ARSB: variants seen among roughly 807,000 people sequenced by gnomAD.
ARSB encodes the protein arylsulfatase B, also known as N-acetylgalactosamine-4-sulfatase.
ARSB carries 41 observed loss-of-function variants against 50.9 expected under a neutral mutation model. The ratio of observed to expected loss-of-function variants is 0.81; its 90% CI spans 0.63 to 1.04. The LOEUF is 1.04. ARSB is among the 50% of genes least tolerant of loss of function. The pLI is 0.00. For missense variants in ARSB, 672 were observed against 693.3 expected (o/e 0.97, Z 0.35); for synonymous variants, 269 against 284.8 (o/e 0.94, Z 0.56).
intron 6 of ARSB, chr5:78,815,523 T>C (rs894410724): frequency 3.0e-6 from 3 of 985,830 alleles, no homozygotes; most frequent in Non-Finnish European, 2.4e-6. Context: ...TGAAACTGTA[T>C]GTGGCAGCCT....
At chr5:78,937,817 A>G (rs547867221) in intron 4 of ARSB, among the ~76,000 whole-genome samples, 1 of 151,980 alleles carries the variant, frequency 6.6e-6, no homozygotes, top group East Asian at 1.9e-4. Context: ...ATCTAGGTTC[A>G]CTCCTCTCCA....
chr5:78,984,427 G>T (rs755858009), intron 1 of ARSB, among the ~76,000 whole-genome samples: 5 of 152,178 alleles, frequency 3.3e-5, no homozygotes, highest in African/African-American at 7.2e-5. Flanking sequence ...CTAGCATCAG[G>T]TTTCATTCCA....
At chr5:78,903,004 A>C (rs1389481946) in intron 4 of ARSB, among the ~76,000 whole-genome samples, 1 of 152,226 alleles carries the variant, frequency 6.6e-6, no homozygotes, top group Non-Finnish European at 1.5e-5. Context: ...AAAACCATAA[A>C]ACTTTTATAG....
chr5:78,906,033 G>C (rs1350935047), intron 4 of ARSB, among the ~76,000 whole-genome samples: 1 of 151,550 alleles, frequency 6.6e-6, no homozygotes, highest in African/African-American at 2.4e-5. Flanking sequence ...CACCAATGCA[G>C]ATCTTCAACT....
chr5:78,937,029 T>C (rs956818727), intron 4 of ARSB, among the ~76,000 whole-genome samples: 4 of 152,018 alleles, frequency 2.6e-5, no homozygotes, highest in Non-Finnish European at 4.4e-5. Flanking sequence ...CTACTTTTCA[T>C]TTTGCTTCAT....
chr5:78,810,141 A>G (rs1408985077), intron 6 of ARSB, among the ~76,000 whole-genome samples: 3 of 152,076 alleles, frequency 2.0e-5, no homozygotes, highest in Admixed American at 6.5e-5. Context: ...GCCTCCTAGA[A>G]CCTCCCTACC....
At chr5:78,780,812 C>T (rs1748904494) in intron 7 of ARSB, 150 bp from the exon 8 acceptor site, 1 of 944,614 alleles carries the variant, frequency 1.1e-6, no homozygotes, top group Admixed American at 2.1e-5. Flanking sequence ...AGATGCTTCT[C>T]AGACTTGACT....
intron 4 of ARSB, among the ~76,000 whole-genome samples, chr5:78,939,490 T>C (rs1030487693): frequency 9.2e-5 from 14 of 152,122 alleles, no homozygotes; most frequent in Admixed American, 5.9e-4. Flanking sequence ...TGTCCATGTT[T>C]TCTCATTGTT....
chr5:78,845,777 T>C (rs147879668), intron 5 of ARSB, among the ~76,000 whole-genome samples: 2 of 152,290 alleles, frequency 1.3e-5, no homozygotes, highest in African/African-American at 4.8e-5. Flanking sequence ...ATATTCTGGA[T>C]ATTAATCCTT....
chr5:78,952,732 C>T (rs186992602), intron 4 of ARSB, among the ~76,000 whole-genome samples: 1 of 152,200 alleles, frequency 6.6e-6, no homozygotes, highest in Admixed American at 6.5e-5. Flanking sequence ...TGTCTGAGCA[C>T]ATTTAAGCCC....
At position 78,984,880 on chromosome 5, in the gene ARSB, C is replaced by G. The variant is rs374273740; in HGVS notation, c.312+57G>C. On this transcript the variant is annotated intron_variant, in intron 1 of 7. Transcript: ENST00000264914. ...GGCCTCAAGGGCCGGGTAGGAGCGGCAGGGCGCCGGCGAAAGGCGGGGCGG... is the reference window on the plus strand; with the variant it reads ...GGCCTCAAGGGCCGGGTAGGAGCGGGAGGGCGCCGGCGAAAGGCGGGGCGG... The G allele has an allele frequency of 2.3e-3, 2,828 of 1,245,892 alleles. 55 individuals carry two copies. In the African/African-American group the frequency reaches 0.041, roughly 18 times the overall value. 77.2% of individuals were successfully genotyped at this position (1,245,892 alleles called of 1,614,324 possible).
At chr5:78,923,921 C>T (rs1232644187) in intron 4 of ARSB, among the ~76,000 whole-genome samples, 4 of 152,126 alleles carry the variant, frequency 2.6e-5, no homozygotes, top group Admixed American at 2.0e-4. Flanking sequence ...TTCCTGAAAG[C>T]GAGGTTCCAA....
intron 6 of ARSB, among the ~76,000 whole-genome samples, chr5:78,799,212 A>G (rs554336203): frequency 3.4e-4 from 52 of 152,346 alleles, no homozygotes; most frequent in African/African-American, 1.2e-3. Context: ...AGCAGCTTTG[A>G]AAAGGTCCAG....
intron 4 of ARSB, among the ~76,000 whole-genome samples, chr5:78,954,014 G>A (rs1011012465): frequency 6.6e-6 from 1 of 151,818 alleles, no homozygotes; most frequent in East Asian, 1.9e-4. Context: ...GTAATTAACA[G>A]ACATGGCAGT....
chr5:78,965,715 G>T (rs1409096026), intron 2 of ARSB, among the ~76,000 whole-genome samples: 1 of 152,106 alleles, frequency 6.6e-6, no homozygotes, highest in Non-Finnish European at 1.5e-5. Flanking sequence ...ACCTTAAAAT[G>T]AGGATGATAA....
intron 2 of ARSB, 94 bp from the exon 3 acceptor site, chr5:78,964,700 C>A: frequency 8.4e-7 from 1 of 1,184,784 alleles, no homozygotes; most frequent in Non-Finnish European, 1.2e-6. Context: ...CAATTGATTA[C>A]CCGTGACGAG....
At chr5:78,832,037 G>A (rs1744718172) in intron 6 of ARSB, among the ~76,000 whole-genome samples, 1 of 152,026 alleles carries the variant, frequency 6.6e-6, no homozygotes, top group African/African-American at 2.4e-5. Context: ...GACACCGAGA[G>A]AACTATACAA....
At position 78,839,414 on chromosome 5, in the gene ARSB, T is replaced by C. The variant is rs778672342; in HGVS notation, c.1155A>G (p.Pro385=). ...DVWKTISEGS[P]SPRIELLHNI... ...TATGCAGCAGCTCAATTCTGGGGGA[T>C]GGGCTTCCTTCACTGGAAAACAATT... Residue 385 remains proline, a synonymous_variant, in exon 6 of 8, where the codon CCA becomes CCG. Transcript: ENST00000264914. 1.4e-5 allele frequency: 22 copies of C among 1,613,634 alleles called. No individual in the cohort carries two copies. In the Admixed American group the frequency reaches 3.0e-4, roughly 22 times the overall value.
intron 4 of ARSB, among the ~76,000 whole-genome samples, chr5:78,925,007 T>G (rs564918674): frequency 2.8e-4 from 42 of 152,252 alleles, no homozygotes; most frequent in African/African-American, 8.9e-4. Flanking sequence ...CCTCAATGCT[T>G]AAGAAAATAC....
Sources: gnomAD v4.1 joint callset for allele counts (sites outside exome capture counted in the v4.1 genomes callset) on GRCh38, gnomAD v4.1.1 for gene constraint, MANE v1.5 for transcripts, NCBI Gene and HGNC (gene_info 2026-07-23, HGNC 2026-07-21) for gene names.